The following TTLL5 variants were observed in gnomAD, a reference collection of about 807,000 sequenced individuals.
The protein encoded by TTLL5 is tubulin polyglutamylase TTLL5.
In TTLL5, 132 loss-of-function variants were observed where a neutral mutation model predicts 168.4. The ratio of observed to expected loss-of-function variants is 0.78; its 90% confidence interval spans 0.68 to 0.91. The LOEUF is 0.91. TTLL5 is among the 40% of genes least tolerant of loss of function. The pLI, the probability that TTLL5 is intolerant of heterozygous loss-of-function variation, is 0.00. For missense variants in TTLL5, 1,545 were observed against 1,581.5 expected, an observed-to-expected ratio of 0.98 and a Z score of 0.39; for synonymous variants, 546 against 558.6, an observed-to-expected ratio of 0.98 and a Z score of 0.32.
intron 31 of TTLL5, among the ~76,000 whole-genome samples, chr14:75,903,230 C>A (rs2033001285): frequency 6.6e-6 from 1 of 152,052 alleles, no homozygotes. Context: ...GAGCCCAGAT[C>A]TCTAGGGACT....
Position 75,707,676 on chromosome 14 carries a change from G to T in TTLL5, c.709G>T (p.Val237Phe), listed in dbSNP as rs1252300656. The change falls in exon 9 of 32, where the codon GTC becomes TTC. Residue 237 changes from valine to phenylalanine, a missense_variant. Transcript: ENST00000298832. ...GCTCGTGACTTCCTATGATCCTCTT[G>T]TCATCTATCTCTATGAAGAAGGATT... ...YVLVTSYDPL[V>F]IYLYEEGLAR... 1 of 1,593,782 alleles carries T rather than the reference G, an allele frequency of 6.3e-7. No homozygotes were observed. The highest frequency in any genetic ancestry group is 1.1e-5 in the South Asian group (1 of 90,738).
intron 18 of TTLL5, among the ~76,000 whole-genome samples, chr14:75,764,362 A>G (rs1476637228): frequency 1.3e-5 from 2 of 152,226 alleles, no homozygotes; most frequent in African/African-American, 2.4e-5. Context: ...AATAATCAGT[A>G]TCACTGAACA....
intron 31 of TTLL5, among the ~76,000 whole-genome samples, chr14:75,914,685 C>A (rs567617357): frequency 7.0e-6 from 1 of 142,538 alleles, no homozygotes; most frequent in Non-Finnish European, 1.5e-5. Context: ...ATGCAATGGC[C>A]CAATCTCGGC....
chr14:75,837,775 CT>C (rs1254757397), intron 28 of TTLL5, among the ~76,000 whole-genome samples: 2 of 152,050 alleles, frequency 1.3e-5, no homozygotes, highest in Non-Finnish European at 2.9e-5. Context: ...TCAGAATTTC[CT>C]TCCTTTTACA....
chr14:75,875,811 A>G (rs2031440291), intron 29 of TTLL5, among the ~76,000 whole-genome samples: 3 of 152,268 alleles, frequency 2.0e-5, no homozygotes, highest in Admixed American at 1.3e-4. Flanking sequence ...ACAGAAATAC[A>G]TGCATACATA....
At chr14:75,916,645 A>T (rs2033625465) in intron 31 of TTLL5, among the ~76,000 whole-genome samples, 1 of 152,162 alleles carries the variant, frequency 6.6e-6, no homozygotes, top group Non-Finnish European at 1.5e-5. Context: ...TCAAAAAAAC[A>T]AAAAAATTGA....
intron 4 of TTLL5, among the ~76,000 whole-genome samples, chr14:75,683,004 T>C (rs1594863499): frequency 6.6e-6 from 1 of 152,246 alleles, no homozygotes; most frequent in South Asian, 2.1e-4. Flanking sequence ...ACTCCTGAGC[T>C]CAAGCGCTCC....
chr14:75,946,891 G>A (rs896622999), intron 31 of TTLL5, among the ~76,000 whole-genome samples: 5 of 152,240 alleles, frequency 3.3e-5, no homozygotes, highest in Non-Finnish European at 7.3e-5. Flanking sequence ...AACTCCAGGT[G>A]GAGGGAACAG....
intron 28 of TTLL5, among the ~76,000 whole-genome samples, chr14:75,854,852 T>C (rs1212980795): frequency 6.6e-6 from 1 of 152,214 alleles, no homozygotes; most frequent in African/African-American, 2.4e-5. Context: ...ATTTTTGTTA[T>C]TCATATCAAC....
At chr14:75,814,640 C>T (rs1243177214) in intron 27 of TTLL5, 1 of 152,064 alleles carries the variant, frequency 6.6e-6, no homozygotes, top group Non-Finnish European at 1.5e-5. Context: ...CTCCTTCTGC[C>T]CATTCTGGAA....
rs1170364375 is a variant in TTLL5 at position 75,952,732 on chromosome 14, A to G, written c.3824-1692A>G. Among the ~76,000 whole-genome samples, 3 of 152,314 alleles carry G rather than the reference A, an allele frequency of 2.0e-5. No individual in the cohort carries two copies. In the East Asian group the frequency reaches 5.8e-4, roughly 29 times the overall value. On this transcript the variant is annotated intron_variant, in intron 31 of 31. Transcript: ENST00000298832. The stretch of plus-strand genomic sequence containing the variant: ...TACAGCATAGATGACCCTTTAAAAC[A>G]TTATGTTAAGTGAAAGAAGCCAGTC...
At chr14:75,890,674 G>A (rs754453327) in intron 30 of TTLL5, among the ~76,000 whole-genome samples, 4 of 152,092 alleles carry the variant, frequency 2.6e-5, no homozygotes, top group Non-Finnish European at 5.9e-5. Context: ...TTTAAAAATC[G>A]TCTCCAAAAT....
chr14:75,813,827 T>TAAA (rs34546490), intron 27 of TTLL5, among the ~76,000 whole-genome samples: 4 of 139,690 alleles, frequency 2.9e-5, no homozygotes, highest in Non-Finnish European at 4.7e-5. Context: ...TGGTTTCAAT[T>TAAA]AAAAAAAAAA....
At position 75,735,264 on chromosome 14, in the gene TTLL5, G is replaced by A. The variant is rs747613341; in HGVS notation, c.1256G>A (p.Arg419Lys). ...RPIYPTFESS[R>K]RNPFQKPQRC... ...ATTTATCCCACCTTTGAGTCTTCCA[G>A]GCGAAACCCTTTCCAGAAACCTCAG... is the stretch of plus-strand genomic sequence containing the variant. Residue 419 changes from arginine to lysine, a missense_variant, in exon 15 of 32, where the codon AGG (arginine) becomes AAG (lysine). Physicochemically the swap from Arg to Lys is conservative, Grantham distance 26 (BLOSUM62 2). Transcript: ENST00000298832. 1 of 1,614,174 alleles carries A rather than the reference G, an allele frequency of 6.2e-7. No homozygotes were observed. Among genetic ancestry groups the A allele is most frequent in the Non-Finnish European group, 8.5e-7 (1 of 1,179,988 alleles).
At chr14:75,914,035 T>A (rs377464616) in intron 31 of TTLL5, among the ~76,000 whole-genome samples, 25,750 of 54,772 alleles carry the variant, frequency 0.47, 6,008 homozygotes, top group Non-Finnish European at 0.55. Context: ...AAAAAAAAAA[T>A]ATATATATAT....
At chr14:75,855,216 A>G (rs1357754977) in intron 28 of TTLL5, among the ~76,000 whole-genome samples, 1 of 152,146 alleles carries the variant, frequency 6.6e-6, no homozygotes, top group Non-Finnish European at 1.5e-5. Flanking sequence ...CAACAAAAAC[A>G]AAGCCTGCTG....
At chr14:75,790,533 G>A (rs1188771963) in intron 26 of TTLL5, among the ~76,000 whole-genome samples, 1 of 151,152 alleles carries the variant, frequency 6.6e-6, no homozygotes, top group Non-Finnish European at 1.5e-5. Context: ...GTTTAGTGGT[G>A]CAATCATGGC....
At chr14:75,670,795 A>AT (rs1448268988) in intron 3 of TTLL5, among the ~76,000 whole-genome samples, 1 of 152,138 alleles carries the variant, frequency 6.6e-6, no homozygotes, top group African/African-American at 2.4e-5. Context: ...TAAGAGTTTT[A>AT]TATGTTATGG....
At chr14:75,778,688 G>A (rs1891866189) in intron 23 of TTLL5, among the ~76,000 whole-genome samples, 1 of 152,118 alleles carries the variant, frequency 6.6e-6, no homozygotes, top group Non-Finnish European at 1.5e-5. Flanking sequence ...ACGTAGCCAA[G>A]CTTCAAGAAA....
Sources: gnomAD v4.1 joint callset for allele counts (sites outside exome capture counted in the v4.1 genomes callset) on GRCh38, gnomAD v4.1.1 for gene constraint, MANE v1.5 for transcripts, NCBI Gene and HGNC (gene_info 2026-07-23, HGNC 2026-07-21) for gene names.